SMG5: variants seen among roughly 807,000 people sequenced by gnomAD.
SMG5 encodes SMG5 nonsense mediated mRNA decay factor.
In SMG5, 53 loss-of-function variants were observed where a neutral mutation model predicts 122.9. That is an observed-to-expected ratio of 0.43 (90% CI 0.35 to 0.54). The LOEUF (loss-of-function observed/expected upper bound fraction) is 0.54, where lower values mean the gene tolerates loss of function less well. Ranked by LOEUF, SMG5 falls within the 20% of genes least tolerant of loss-of-function variation. The pLI is 0.01. For synonymous variants in SMG5, 477 were observed against 490.2 expected, an observed-to-expected ratio of 0.97 and a Z score of 0.35; for missense variants, 1,153 against 1,285.6, an observed-to-expected ratio of 0.90 and a Z score of 1.58.
Position 156,250,523 on chromosome 1 carries a change from C to T in SMG5, c.*64G>A. ...GGTGGGGTGACTACAGGTGCTGGTC[C>T]TGGCTGCCAGGGAGGGCAGGAGAGA... On this transcript the variant is annotated 3_prime_UTR_variant, in exon 22 of 22. Transcript: ENST00000361813. 8 of 1,442,330 alleles carry T rather than the reference C, an allele frequency of 5.5e-6. No individual in the cohort carries two copies. The highest frequency in any genetic ancestry group is 6.8e-6 in the Non-Finnish European group (7 of 1,024,450). The allele number at this position is 1,442,330 out of a possible 1,614,324, so 89.3% of individuals were successfully genotyped here.
At chr1:156,255,559 A>G (rs1342390966) in intron 16 of SMG5, among the ~76,000 whole-genome samples, 1 of 149,490 alleles carries the variant, frequency 6.7e-6, no homozygotes, top group East Asian at 2.0e-4. Flanking sequence ...GAATAAATAA[A>G]TATACAAAAA....
At chr1:156,283,854 C>T (rs1444240316), upstream of SMG5, among the ~76,000 whole-genome samples, 1 of 152,168 alleles carries the variant, frequency 6.6e-6, no homozygotes, top group Non-Finnish European at 1.5e-5. Context: ...CCAAAGAGGT[C>T]TTTCCTATTA....
At chr1:156,285,286 G>A (rs759740572), upstream of SMG5, 1 of 1,572,348 alleles carries the variant, frequency 6.4e-7, no homozygotes, top group Non-Finnish European at 8.6e-7. Flanking sequence ...CCCCAGAGAA[G>A]AGCTCACCCC....
At position 156,259,079 on chromosome 1, in the gene SMG5, C is replaced by T. The variant is rs1402427971; in HGVS notation, c.2368G>A (p.Val790Ile). The change falls in exon 16 of 22, where the codon GTT becomes ATT. Residue 790 changes from valine to isoleucine, a missense_variant. This residue lies in a region of SMG5 where 140 missense variants were observed against 227.8 expected (regional missense o/e 0.61). Transcript: ENST00000361813. ...QGSILQFNPE[V>I]GIFVSIAQSE... ...TGGGCAATGCTGACGAAGATGCCAA[C>T]CTCTGGGTTGAACTGCAGGATGCTG... The T allele has an allele frequency of 6.2e-7, 1 of 1,612,496 alleles. No homozygotes were observed. Among genetic ancestry groups the T allele is most frequent in the Non-Finnish European group, 8.5e-7 (1 of 1,179,446 alleles).
intron 10 of SMG5, 115 bp from the exon 11 acceptor site, chr1:156,266,793 C>A: frequency 1.5e-4 from 151 of 983,998 alleles, no homozygotes; most frequent in Non-Finnish European, 1.9e-4. Flanking sequence ...AACTACTTAT[C>A]AAAGATTCTT....
chr1:156,266,201 C>T lies in SMG5; in HGVS notation c.1435G>A (p.Glu479Lys). 1 of 1,614,262 alleles carries T rather than the reference C, an allele frequency of 6.2e-7. No homozygotes were observed. Among genetic ancestry groups the T allele is most frequent in the South Asian group, 1.1e-5 (1 of 91,090 alleles). ...GCTGAGTCATGGCTTGAGTCCGATT[C>T]AAAGCCTTCACTCAGGTCACTGTCA... is the stretch of plus-strand genomic sequence containing the variant. ...GDDSDLSEGF[E>K]SDSSHDSARA... The change falls in exon 12 of 22, where the codon GAA becomes AAA. Residue 479 changes from glutamate to lysine, a missense_variant. By Grantham distance (56) the Glu-to-Lys change is moderately conservative. Transcript: ENST00000361813.
chr1:156,261,125 G>A (rs1661805245), intron 14 of SMG5, among the ~76,000 whole-genome samples: 1 of 152,172 alleles, frequency 6.6e-6, no homozygotes, highest in Admixed American at 6.5e-5. Context: ...CTCCCTTGCT[G>A]ACCAGGCCAC....
upstream of SMG5, among the ~76,000 whole-genome samples, chr1:156,286,900 A>T (rs1663181161): frequency 6.6e-6 from 1 of 152,058 alleles, no homozygotes; most frequent in African/African-American, 2.4e-5. Flanking sequence ...GAGGTGGCAG[A>T]TCACTTGAGG....
In SMG5 at chr1:156,250,931, T is replaced by A; in HGVS notation, c.2894A>T (p.Asp965Val). 6.2e-7 allele frequency: 1 copy of A among 1,613,922 alleles called. No individual in the cohort carries two copies. The highest frequency in any genetic ancestry group is 8.5e-7 in the Non-Finnish European group (1 of 1,179,910). The change falls in exon 21 of 22, where the codon GAT (aspartate) becomes GTT (valine). Residue 965 changes from aspartate (D) to valine (V), a missense_variant. Around this residue, in one of 5 missense-constraint regions of SMG5, gnomAD observed 84 missense variants for 82.3 expected, o/e 1.02. Transcript: ENST00000361813. The part of the protein sequence containing the change: ...LTLAQGAGEE[D>V]PSGMVTIITG... ...GATGATGGTCACCATGCCACTCGGA[T>A]CCTCCTCACCTGCCCCCTGGGCCAG...
chr1:156,269,321 A>C (rs1558241439), intron 7 of SMG5, among the ~76,000 whole-genome samples: 3 of 152,028 alleles, frequency 2.0e-5, no homozygotes, highest in Non-Finnish European at 4.4e-5. Flanking sequence ...CACTATGTTG[A>C]CCAGGCTGGC....
chr1:156,275,427 C>CT (rs577488614), intron 4 of SMG5, among the ~76,000 whole-genome samples: 102 of 152,326 alleles, frequency 6.7e-4, no homozygotes, highest in African/African-American at 2.5e-3. Flanking sequence ...AGAAACTTGT[C>CT]TAAGCATTCT....
In SMG5 at chr1:156,277,915, T is replaced by G. The variant is rs773556351; in HGVS notation, c.297+10A>C. 3.7e-6 allele frequency: 6 copies of G among 1,613,604 alleles called. No individual in the cohort carries two copies. The South Asian group carries it at 6.6e-5, about 18-fold the overall frequency. On this transcript the variant is annotated intron_variant, in intron 3 of 21. Coordinates refer to ENST00000361813, the MANE Select transcript of SMG5 (RefSeq NM_015327.3). ...TGGCTTTCCCTCTTTAGACAAGGAC[T>G]TCCCCTTACCTTTTTGTTAGTCTTG...
rs917088848 is a variant in SMG5, at chr1:156,266,567, A to G, written c.1229T>C (p.Val410Ala). 11 of 1,613,976 alleles carry G rather than the reference A, an allele frequency of 6.8e-6. No individual in the cohort carries two copies. The African/African-American group carries it at 1.1e-4, about 16-fold the overall frequency. The change falls in exon 11 of 22, where the codon GTC (valine) becomes GCC (alanine). Residue 410 changes from valine (V) to alanine (A), a missense_variant. Val to Ala is a moderately conservative substitution (Grantham distance 64). Around this residue, in one of 5 missense-constraint regions of SMG5, gnomAD observed 631 missense variants for 650.6 expected, o/e 0.97. Transcript: ENST00000361813. The part of the protein sequence containing the change: ...QAELEEGENP[V>A]PAFQSDGTDE... ...TGTGCCATCACTCTGGAATGCCGGG[A>G]CGGGATTCTCGCCCTCTTCCAGCTC...
At position 156,258,946 on chromosome 1, in the gene SMG5, T is replaced by C; in HGVS notation, c.2442+59A>G. On this transcript the variant is annotated intron_variant, in intron 16 of 21. Coordinates refer to ENST00000361813, the MANE Select transcript of SMG5 (RefSeq NM_015327.3). ...ACCAGAGGGTCTGAGCCTCTTGCCCTGGTTTCTCAGTGAGCCCAATGGGAG... is the reference window on the plus strand; with the variant it reads ...ACCAGAGGGTCTGAGCCTCTTGCCCCGGTTTCTCAGTGAGCCCAATGGGAG... 3.1e-6 allele frequency: 5 copies of C among 1,601,836 alleles called. No individual in the cohort carries two copies. The South Asian group carries it at 4.5e-5, about 14-fold the overall frequency.
intron 1 of SMG5, among the ~76,000 whole-genome samples, chr1:156,280,958 C>T (rs1662909908): frequency 6.6e-6 from 1 of 152,284 alleles, no homozygotes; most frequent in Admixed American, 6.5e-5. Context: ...CTCCTGCTGC[C>T]CTTTCTTCTG....
At chr1:156,273,262 G>A in intron 6 of SMG5, 99 bp downstream of exon 6, 1 of 914,624 alleles carries the variant, frequency 1.1e-6, no homozygotes, top group Non-Finnish European at 1.8e-6. Context: ...ATGAAGAGGA[G>A]CTGGGGAAAA....
At chr1:156,269,059 C>T (rs982891651) in intron 7 of SMG5, among the ~76,000 whole-genome samples, 7 of 152,222 alleles carry the variant, frequency 4.6e-5, no homozygotes, top group African/African-American at 1.7e-4. Context: ...CAACATCCGC[C>T]TCCCGGGTTC....
intron 4 of SMG5, among the ~76,000 whole-genome samples, chr1:156,276,056 T>A (rs897018164): frequency 2.6e-5 from 4 of 151,422 alleles, no homozygotes; most frequent in African/African-American, 9.7e-5. Flanking sequence ...CCTTAAGCAA[T>A]CCTCCCGCCT....
In SMG5 at chr1:156,266,543, G is replaced by C. The variant is rs749823864; in HGVS notation, c.1253C>G (p.Thr418Arg). Residue 418 changes from threonine (T) to arginine (R), a missense_variant and splice_region_variant, in exon 11 of 22, where the codon ACA becomes AGA. By Grantham distance (71) the Thr-to-Arg change is moderately conservative. This residue lies in a region of SMG5 where 631 missense variants were observed against 650.6 expected (regional missense o/e 0.97). Transcript: ENST00000361813. ...GATGACCTCCCCGATTCTCCCACCT[G>C]TGCCATCACTCTGGAATGCCGGGAC... ...NPVPAFQSDG[T>R]DEPESKEPVE... 6.2e-7 allele frequency: 1 copy of C among 1,614,096 alleles called. No individual in the cohort carries two copies. The highest frequency in any genetic ancestry group is 1.1e-5 in the South Asian group (1 of 91,076).
Sources: allele counts gnomAD v4.1 joint callset (sites outside exome capture counted in the v4.1 genomes callset), GRCh38; gene constraint gnomAD v4.1.1; regional missense constraint gnomAD v4.1.1; transcripts MANE v1.5; gene names NCBI Gene and HGNC (gene_info 2026-07-23, HGNC 2026-07-21).